DNMBP: variants seen among roughly 807,000 people sequenced by gnomAD.
The protein encoded by DNMBP is dynamin-binding protein.
DNMBP carries 87 observed loss-of-function variants against 150.0 expected under a neutral mutation model. The observed-to-expected ratio is 0.58, with a 90% CI of 0.49 to 0.69. DNMBP has a LOEUF of 0.69. Ranked by LOEUF, DNMBP falls within the 30% of genes least tolerant of loss-of-function variation. The pLI is 0.00. For missense variants in DNMBP, 1,774 were observed against 1,949.0 expected, an observed-to-expected ratio of 0.91 and a Z score of 1.69; for synonymous variants, 711 against 750.4, an observed-to-expected ratio of 0.95 and a Z score of 0.86.
chr10:100,004,478 T>C (rs917999001), intron 1 of DNMBP, among the ~76,000 whole-genome samples: 1 of 151,834 alleles, frequency 6.6e-6, no homozygotes, highest in African/African-American at 2.4e-5. Flanking sequence ...TGGAACAAAA[T>C]AAATGCTTAG....
rs183936586 is a variant in DNMBP at position 99,988,630 on chromosome 10, G to C, written c.-10-16496C>G. 7.4e-4 allele frequency among the ~76,000 whole-genome samples: 113 copies of C among 152,104 alleles called. 1 individual carries two copies. Among genetic ancestry groups the C allele is most frequent in the Non-Finnish European group, 1.4e-3 (96 of 68,000 alleles). ...GTCCCCACTCCTCTAGCAATATCTT[G>C]ATATCTCTGACAATTTTATTTTTAT... On this transcript the variant is annotated intron_variant, in intron 1 of 16. Transcript: ENST00000324109.
At chr10:99,986,594 CAA>C (rs747726572) in intron 1 of DNMBP, among the ~76,000 whole-genome samples, 9 of 74,170 alleles carry the variant, frequency 1.2e-4, no homozygotes, top group African/African-American at 3.9e-4. Context: ...GACTCCGTCT[CAA>C]AAAAAAAAAA....
chr10:99,947,776 T>C (rs2040374493), intron 4 of DNMBP, among the ~76,000 whole-genome samples: 1 of 152,186 alleles, frequency 6.6e-6, no homozygotes, highest in Non-Finnish European at 1.5e-5. Context: ...TACTAAATAT[T>C]TGTGGTATTT....
At chr10:99,992,532 T>TC (rs1301858536) in intron 1 of DNMBP, among the ~76,000 whole-genome samples, 3 of 148,386 alleles carry the variant, frequency 2.0e-5, no homozygotes. Flanking sequence ...AGGAGTTTTT[T>TC]TTTTTTTTTT....
chr10:99,959,769 C>A (rs918039245), intron 3 of DNMBP, among the ~76,000 whole-genome samples: 2 of 151,380 alleles, frequency 1.3e-5, no homozygotes, highest in African/African-American at 2.4e-5. Context: ...GCAGGAGGAT[C>A]GCTTCAGCCC....
chr10:99,886,183 C>G (rs544505090), intron 13 of DNMBP, 117 bp downstream of exon 13: 7 of 848,654 alleles, frequency 8.2e-6, no homozygotes, highest in Non-Finnish European at 1.8e-6. Context: ...GATGAACTAG[C>G]GACACATTCA....
In DNMBP at chr10:99,971,977, T is replaced by G. The variant is rs754341969; in HGVS notation, c.145+3A>C. The G allele has an allele frequency of 5.6e-6, 9 of 1,612,964 alleles. No individual in the cohort carries two copies. The highest frequency in any genetic ancestry group is 7.6e-6 in the Non-Finnish European group (9 of 1,179,460). ...TGTGGTCCACTATGAGTCTCTTACT[T>G]ACCTGTAACATCCTCCTTCTTTCCT... On this transcript the variant is annotated splice_donor_region_variant and intron_variant, in intron 2 of 16. Coordinates refer to ENST00000324109, the MANE Select transcript of DNMBP (RefSeq NM_015221.4).
chr10:99,998,606 A>AT (rs1194963043), intron 1 of DNMBP, among the ~76,000 whole-genome samples: 139 of 151,720 alleles, frequency 9.2e-4, no homozygotes, highest in African/African-American at 3.3e-3. Flanking sequence ...AAAGAAACAC[A>AT]TTAACTAAAT....
At position 99,957,046 on chromosome 10, in the gene DNMBP, G is replaced by A. The variant is rs371156348; in HGVS notation, c.428C>T (p.Pro143Leu). 41 of 1,614,002 alleles carry A rather than the reference G, an allele frequency of 2.5e-5. No individual in the cohort carries two copies. In the Admixed American group the frequency reaches 3.5e-4, roughly 14 times the overall value. The change falls in exon 4 of 17, where the codon CCG becomes CTG. Residue 143 changes from proline to leucine, a missense_variant. Pro to Leu is a moderately conservative substitution (Grantham distance 98, BLOSUM62 -3). This residue lies in a region of DNMBP where 344 missense variants were observed against 456.6 expected (regional missense o/e 0.75). Coordinates refer to ENST00000324109, the MANE Select transcript of DNMBP (RefSeq NM_015221.4). ...WHSQSALFQI[P>L]EYSMGQARAL... ...CCGGGCTTGTCCCATGGAATATTCC[G>A]GAATCTGAAACAGGGCGCTCTGGGA... is the stretch of plus-strand genomic sequence containing the variant.
chr10:99,925,406 C>T (rs141325009), intron 4 of DNMBP, among the ~76,000 whole-genome samples: 9 of 152,046 alleles, frequency 5.9e-5, no homozygotes, highest in African/African-American at 7.2e-5. Flanking sequence ...TACTGTGACC[C>T]ACACTTTATT....
chr10:99,969,232 A>C lies in DNMBP; in HGVS notation c.151T>G (p.Phe51Val), dbSNP rs1407007402. ...ACAATTTCCACAAAACTGCTGGGGA[A>C]TTGTCCTGAAAATAAAAGCAAACAT... ...LGKKEDVTGQ[F>V]PSSFVEIVTI... The change falls in exon 3 of 17, where the codon TTC (phenylalanine) becomes GTC (valine). Residue 51 changes from phenylalanine (F) to valine (V), a missense_variant. By Grantham distance (50) the Phe-to-Val change is conservative (BLOSUM62 -1). This residue lies in a region of DNMBP where 344 missense variants were observed against 456.6 expected (regional missense o/e 0.75). Coordinates refer to ENST00000324109, the MANE Select transcript of DNMBP (RefSeq NM_015221.4). 1.2e-6 allele frequency: 2 copies of C among 1,614,028 alleles called. No homozygotes were observed. The highest frequency in any genetic ancestry group is 1.7e-6 in the Non-Finnish European group (2 of 1,179,946).
intron 4 of DNMBP, among the ~76,000 whole-genome samples, chr10:99,913,513 A>C (rs1218343062): frequency 6.6e-6 from 1 of 152,226 alleles, no homozygotes; most frequent in African/African-American, 2.4e-5. Flanking sequence ...TAAAATGTGC[A>C]GACGAGCTCT....
intron 3 of DNMBP, among the ~76,000 whole-genome samples, chr10:99,961,687 A>G (rs1445661077): frequency 1.3e-5 from 2 of 152,264 alleles, no homozygotes; most frequent in African/African-American, 4.8e-5. Context: ...AATCAAGATT[A>G]CAAATGCACC....
intron 1 of DNMBP, among the ~76,000 whole-genome samples, chr10:99,981,711 G>C (rs919981467): frequency 2.0e-5 from 3 of 152,130 alleles, no homozygotes; most frequent in African/African-American, 7.2e-5. Context: ...CCCGGAGGCT[G>C]GCCCACCAGA....
At position 99,935,567 on chromosome 10, in the gene DNMBP, G is replaced by T. The variant is rs182101281; in HGVS notation, c.2260+19647C>A. On this transcript the variant is annotated intron_variant, in intron 4 of 16. Transcript: ENST00000324109. ...TTGCCTGAGTAGACTTAAATTTTTTGTTGTTGTTGTTGTTGAGATGGAGTT... is the reference window on the plus strand; with the variant it reads ...TTGCCTGAGTAGACTTAAATTTTTTTTTGTTGTTGTTGTTGAGATGGAGTT... Among the ~76,000 whole-genome samples, 22 of 151,802 alleles carry T rather than the reference G, an allele frequency of 1.4e-4. No homozygotes were observed. In the East Asian group the frequency reaches 2.7e-3, roughly 19 times the overall value.
intron 6 of DNMBP, among the ~76,000 whole-genome samples, chr10:99,906,665 G>T (rs2039829855): frequency 6.6e-6 from 1 of 152,128 alleles, no homozygotes; most frequent in Admixed American, 6.6e-5. Flanking sequence ...CCAGGGAGAG[G>T]CTCACGTGGC....
At chr10:99,990,749 A>G (rs1253755755) in intron 1 of DNMBP, among the ~76,000 whole-genome samples, 1 of 98,974 alleles carries the variant, frequency 1.0e-5, no homozygotes, top group Non-Finnish European at 2.1e-5. Flanking sequence ...ATGCACATGT[A>G]TATACACATA....
chr10:99,896,591 A>C (rs1428481377), intron 9 of DNMBP, among the ~76,000 whole-genome samples, 194 bp from the exon 10 acceptor site: 2 of 152,188 alleles, frequency 1.3e-5, no homozygotes, highest in African/African-American at 4.8e-5. Flanking sequence ...CAGCCAGGAG[A>C]GGGGCCAGAG....
chr10:100,008,592 TGCA>T (rs1331179324), intron 1 of DNMBP, among the ~76,000 whole-genome samples: 3 of 152,282 alleles, frequency 2.0e-5, no homozygotes, highest in Non-Finnish European at 4.4e-5. Context: ...TGCCCCATTA[TGCA>T]GAATTCTAAA....
Sources: gnomAD v4.1 joint callset for allele counts (sites outside exome capture counted in the v4.1 genomes callset) on GRCh38, gnomAD v4.1.1 for gene constraint, gnomAD v4.1.1 regional missense constraint, MANE v1.5 for transcripts, NCBI Gene and HGNC (gene_info 2026-07-23, HGNC 2026-07-21) for gene names.